The following PPRC1 variants were observed in gnomAD, a reference collection of about 807,000 sequenced individuals.
PPRC1 encodes peroxisome proliferator-activated receptor gamma coactivator-related protein 1.
Under a neutral mutation model 132.5 loss-of-function variants are expected in PPRC1, and 23 were observed. The ratio of observed to expected loss-of-function variants is 0.17; its 90% CI spans 0.12 to 0.25. The LOEUF (loss-of-function observed/expected upper bound fraction) is 0.25. PPRC1 is among the 10% of genes least tolerant of loss of function. PPRC1 has a pLI of 1.00. For missense variants in PPRC1, 2,006 were observed against 2,089.1 expected (o/e 0.96, Z 0.78); for synonymous variants, 872 against 833.5 (o/e 1.05, Z -0.80).
chr10:102,141,407 C>T lies in PPRC1; in HGVS notation c.2899C>T (p.Pro967Ser). The T allele has an allele frequency of 6.2e-7, 1 of 1,614,054 alleles. No individual in the cohort carries two copies. ...TTGCAGTGTGCCTTGGGCACCCCCT[C>T]CTGCCCCAGTCTCACCTTACAGTTC... ...PTCSVPWAPP[P>S]APVSPYSSTC... Residue 967 changes from proline to serine, a missense_variant, in exon 5 of 14, where the codon CCT becomes TCT. Transcript: ENST00000278070.
In PPRC1 at chr10:102,133,128, T is replaced by G. The variant is rs1329271788; in HGVS notation, c.60T>G (p.Gly20=). The change falls in exon 1 of 14, where the codon GGT becomes GGG. Residue 20 remains glycine (G), a synonymous_variant. Coordinates refer to ENST00000278070, the MANE Select transcript of PPRC1 (RefSeq NM_015062.5). ...GVAPPPSGGP[G]PDPGGGARGS... ...CGCCGCCCCCGAGTGGGGGCCCCGG[T>G]CCGGACCCTGGCGGGGGAGCCCGCG... is the stretch of plus-strand genomic sequence containing the variant. 1.6e-6 allele frequency: 2 copies of G among 1,249,480 alleles called. No homozygotes were observed. Among genetic ancestry groups the G allele is most frequent in the Non-Finnish European group, 2.0e-6 (2 of 990,540 alleles). 77.4% of individuals were successfully genotyped at this position (1,249,480 alleles called of 1,614,324 possible).
rs1287701976 is a variant in PPRC1 at position 102,138,757 on chromosome 10, G to A, written c.481G>A (p.Gly161Ser). Reference protein sequence around the residue: ...DSELLVSPREGSSLHKLLTLS... With the variant: ...DSELLVSPRESSSLHKLLTLS... ...GGAGCTGCTTGTGTCACCCCGGGAG[G>A]GCTCCTCTGTGAGTGTGGGACCAGG... is the stretch of plus-strand genomic sequence containing the variant. Residue 161 changes from glycine to serine, a missense_variant, in exon 3 of 14, where the codon GGC (glycine) becomes AGC (serine). Around this residue, in one of 2 missense-constraint regions of PPRC1, gnomAD observed 1,914 missense variants for 1,917.2 expected, o/e 1.00. Coordinates refer to ENST00000278070, the MANE Select transcript of PPRC1 (RefSeq NM_015062.5). 3 of 1,614,126 alleles carry A rather than the reference G, an allele frequency of 1.9e-6. No individual in the cohort carries two copies. In the South Asian group the frequency reaches 3.3e-5, roughly 18 times the overall value.
chr10:102,121,999 C>T, the PPRC1 span, among the ~76,000 whole-genome samples: 416 of 152,194 alleles, frequency 2.7e-3, 1 homozygote, highest in African/African-American at 9.5e-3. Flanking sequence ...AAAAGAAGGC[C>T]TGCCTAGGAA....
At chr10:102,149,130 T>C in intron 12 of PPRC1, 48 bp from the exon 13 acceptor site, 1 of 1,541,098 alleles carries the variant, frequency 6.5e-7, no homozygotes, top group Non-Finnish European at 8.7e-7. Context: ...CTCTATGGCA[T>C]GGGCCCATAT....
In PPRC1 at chr10:102,140,849, A is replaced by G. The variant is rs1486698634; in HGVS notation, c.2341A>G (p.Ser781Gly). 1.2e-6 allele frequency: 2 copies of G among 1,613,992 alleles called. No homozygotes were observed. Among genetic ancestry groups the G allele is most frequent in the African/African-American group, 1.3e-5 (1 of 74,904 alleles). ...ACAGCCCCCAACTGGGAAGTGGCCT[A>G]GCCTTCCAGAGACTCCCACAGGGCT... ...SPQPPTGKWP[S>G]LPETPTGLAD... The change falls in exon 5 of 14, where the codon AGC (serine) becomes GGC (glycine). Residue 781 changes from serine to glycine, a missense_variant. Physicochemically the swap from Ser to Gly is moderately conservative, Grantham distance 56. Transcript: ENST00000278070.
the PPRC1 span, among the ~76,000 whole-genome samples, chr10:102,122,348 C>G: frequency 6.6e-6 from 1 of 152,120 alleles, no homozygotes; most frequent in Non-Finnish European, 1.5e-5. Context: ...ACCTGGGACA[C>G]TAGCTTTATC....
chr10:102,139,144 C>G lies in PPRC1; in HGVS notation c.636C>G (p.Pro212=), dbSNP rs199712231. The G allele has an allele frequency of 1.9e-6, 3 of 1,612,244 alleles. No individual in the cohort carries two copies. In the African/African-American group the frequency reaches 4.0e-5, roughly 22 times the overall value. The change falls in exon 5 of 14, where the codon CCC becomes CCG. Residue 212 remains proline (P), a synonymous_variant. Transcript: ENST00000278070. ...ATCCCTCTTGGGACTTCTCCCCACC[C>G]TCTTTCTTAGAGACCTCTTCCCCCA... The part of the protein sequence containing the change: ...LPDPSWDFSP[P]SFLETSSPKL...
chr10:102,149,835 C>A, intron 13 of PPRC1, 91 bp from the exon 14 acceptor site: 1 of 974,042 alleles, frequency 1.0e-6, no homozygotes, highest in Non-Finnish European at 1.7e-6. Flanking sequence ...TCACTCCATC[C>A]GTTTTTGGGA....
At chr10:102,128,841 C>T (rs1448739318), upstream of PPRC1, among the ~76,000 whole-genome samples, 3 of 150,674 alleles carry the variant, frequency 2.0e-5, no homozygotes, top group African/African-American at 7.3e-5. Flanking sequence ...GTCTCGATCT[C>T]CTGACCTCGT....
chr10:102,123,401 G>A, the PPRC1 span, among the ~76,000 whole-genome samples: 27 of 151,748 alleles, frequency 1.8e-4, no homozygotes, highest in African/African-American at 5.8e-4. Flanking sequence ...ATGTGGAGGG[G>A]GGGTCTTTAA....
chr10:102,147,052 C>T lies in PPRC1; in HGVS notation c.4060C>T (p.Leu1354Phe). Residue 1354 changes from leucine to phenylalanine, a missense_variant, in exon 9 of 14, where the codon CTT (leucine) becomes TTT (phenylalanine). By Grantham distance (22) the Leu-to-Phe change is conservative (BLOSUM62 0). Around this residue, in one of 2 missense-constraint regions of PPRC1, gnomAD observed 1,914 missense variants for 1,917.2 expected, o/e 1.00. Coordinates refer to ENST00000278070, the MANE Select transcript of PPRC1 (RefSeq NM_015062.5). ...PPCIAASREPLDHRTSSEQAD... is the reference protein window; with the variant it reads ...PPCIAASREPFDHRTSSEQAD... The stretch of plus-strand genomic sequence containing the variant: ...ATGCATAGCTGCCTCCCGGGAGCCG[C>T]TTGATCACAGGACTAGCAGTGAGCA... The T allele has an allele frequency of 6.2e-7, 1 of 1,614,174 alleles. No homozygotes were observed. The highest frequency in any genetic ancestry group is 8.5e-7 in the Non-Finnish European group (1 of 1,180,008).
At chr10:102,133,252 C>A in intron 1 of PPRC1, 31 bp downstream of exon 1, 1 of 1,264,738 alleles carries the variant, frequency 7.9e-7, no homozygotes, top group Non-Finnish European at 1.0e-6. Context: ...CCGCGACAGG[C>A]AGCAAAGCGG....
At chr10:102,135,156 A>T (rs568987631) in intron 1 of PPRC1, among the ~76,000 whole-genome samples, 2 of 152,330 alleles carry the variant, frequency 1.3e-5, no homozygotes, top group Non-Finnish European at 2.9e-5. Flanking sequence ...AATTGGCAGT[A>T]GTGATCTACT....
At chr10:102,133,749 T>C (rs2068613044) in intron 1 of PPRC1, among the ~76,000 whole-genome samples, 1 of 151,634 alleles carries the variant, frequency 6.6e-6, no homozygotes. Context: ...GGGCATCTAG[T>C]ATCGGCCTTG....
chr10:102,144,820 G>A (rs1334207481), intron 7 of PPRC1, 200 bp from the exon 8 acceptor site: 6 of 569,556 alleles, frequency 1.1e-5, no homozygotes, highest in African/African-American at 1.9e-5. Flanking sequence ...CCTGCCTCTT[G>A]GAATTGGGCA....
upstream of PPRC1, chr10:102,132,868 C>G: frequency 1.5e-6 from 1 of 680,384 alleles, no homozygotes; most frequent in African/African-American, 1.9e-5. Context: ...GCCAAACGGT[C>G]CCCACTTAAA....
intron 13 of PPRC1, among the ~76,000 whole-genome samples, 175 bp from the exon 14 acceptor site, chr10:102,149,751 C>G (rs1228259855): frequency 6.6e-6 from 1 of 150,538 alleles, no homozygotes; most frequent in African/African-American, 2.4e-5. Flanking sequence ...AAAAAAAGAC[C>G]CAAGGGGTGG....
At chr10:102,144,460 C>T in intron 7 of PPRC1, 153 bp downstream of exon 7, 1 of 711,626 alleles carries the variant, frequency 1.4e-6, no homozygotes. Flanking sequence ...CTGCCTATCA[C>T]TACCGGGCAG....
chr10:102,127,565 C>G, the PPRC1 span, among the ~76,000 whole-genome samples: 1 of 148,170 alleles, frequency 6.7e-6, no homozygotes, highest in Non-Finnish European at 1.5e-5. Context: ...TGCTACCACG[C>G]CCGGCTAATT....
Sources: gnomAD v4.1 joint callset for allele counts (sites outside exome capture counted in the v4.1 genomes callset) on GRCh38, gnomAD v4.1.1 for gene constraint, gnomAD v4.1.1 regional missense constraint, MANE v1.5 for transcripts, NCBI Gene and HGNC (gene_info 2026-07-23, HGNC 2026-07-21) for gene names.